IQCK: variants seen among roughly 807,000 people sequenced by gnomAD.
The protein encoded by IQCK is IQ motif containing K.
A neutral mutation model predicts 28.1 loss-of-function variants in IQCK; 29 were observed. The ratio of observed to expected loss-of-function variants is 1.03; its 90% confidence interval spans 0.77 to 1.41. The LOEUF (loss-of-function observed/expected upper bound fraction) is 1.41, where lower values mean the gene tolerates loss of function less well. Ranked by LOEUF, IQCK falls within the 40% of genes most tolerant of loss-of-function variation. The probability of loss-of-function intolerance (pLI) is 0.00; values close to 1 mark genes in which losing one functional copy is unlikely to be tolerated. For missense variants in IQCK, 359 were observed against 314.7 expected (o/e 1.14, Z -1.07); for synonymous variants, 113 against 115.1 (o/e 0.98, Z 0.12).
chr16:19,811,947 A>C (rs1177033356), intron 7 of IQCK, among the ~76,000 whole-genome samples: 2 of 151,124 alleles, frequency 1.3e-5, no homozygotes, highest in African/African-American at 2.4e-5. Flanking sequence ...ACCTTCAGTG[A>C]TCTCAGTGTC....
chr16:19,851,205 T>A (rs1430556615), intron 9 of IQCK, among the ~76,000 whole-genome samples: 1 of 152,178 alleles, frequency 6.6e-6, no homozygotes, highest in Non-Finnish European at 1.5e-5. Flanking sequence ...AAACAGGCAC[T>A]GTTTCCCAAA....
chr16:19,857,100 T>C (rs1297418070), exon 10 of IQCK: 1 of 180,860 alleles, frequency 5.5e-6, no homozygotes, highest in African/African-American at 2.4e-5. Context: ...AACAAAGGAT[T>C]TTTGTTGTCT....
intron 4 of IQCK, among the ~76,000 whole-genome samples, chr16:19,739,585 C>T (rs151291089): frequency 1.3e-5 from 2 of 152,210 alleles, no homozygotes; most frequent in South Asian, 2.1e-4. Context: ...GAGGCTGAGG[C>T]GTGTGGATCA....
rs766155573 is a variant in IQCK at position 19,730,418 on chromosome 16, C to T, written c.182-12C>T. The T allele has an allele frequency of 2.5e-6, 4 of 1,575,388 alleles. No individual in the cohort carries two copies. In the Admixed American group the frequency reaches 5.8e-5, roughly 23 times the overall value. ...AGTATGGAATTGAGGATTTTTTTTCCCTTCCCTTTAGAGTATGAAGCTGAG... is the reference window on the plus strand; with the variant it reads ...AGTATGGAATTGAGGATTTTTTTTCTCTTCCCTTTAGAGTATGAAGCTGAG... On this transcript the variant is annotated splice_polypyrimidine_tract_variant and intron_variant, in intron 1 of 7. Coordinates refer to ENST00000564186, the Ensembl canonical transcript of IQCK.
intron 9 of IQCK, among the ~76,000 whole-genome samples, chr16:19,850,445 T>C (rs2056468622): frequency 6.6e-6 from 1 of 152,206 alleles, no homozygotes; most frequent in African/African-American, 2.4e-5. Flanking sequence ...ATTATTTACC[T>C]GGAATCCTAG....
chr16:19,733,946 G>T, intron 3 of IQCK, 119 bp downstream of exon 3: 5 of 899,752 alleles, frequency 5.6e-6, no homozygotes, highest in East Asian at 2.6e-5. Context: ...GAAAGAATGT[G>T]TTCTTGTTTT....
At chr16:19,779,347 G>A (rs992376902) in intron 6 of IQCK, among the ~76,000 whole-genome samples, 1 of 152,216 alleles carries the variant, frequency 6.6e-6, no homozygotes, top group Admixed American at 6.5e-5. Flanking sequence ...TGTTGTGGGA[G>A]AGAGAGGAGT....
intron 1 of IQCK, among the ~76,000 whole-genome samples, chr16:19,723,409 A>G (rs1977558598): frequency 6.6e-6 from 1 of 152,088 alleles, no homozygotes; most frequent in South Asian, 2.1e-4. Context: ...AATGGCAACC[A>G]TTTATTGAGC....
At chr16:19,798,395 C>T (rs1216341991) in intron 7 of IQCK, among the ~76,000 whole-genome samples, 8 of 118,386 alleles carry the variant, frequency 6.8e-5, no homozygotes, top group Non-Finnish European at 9.0e-5. Flanking sequence ...TCCAGCCTGG[C>T]GACAGAGCCA....
chr16:19,766,240 A>G (rs2055235423), intron 6 of IQCK: 2 of 152,290 alleles, frequency 1.3e-5, no homozygotes, highest in Admixed American at 1.3e-4. Flanking sequence ...TGGAAAAAAC[A>G]GAGATGAATA....
At chr16:19,844,891 C>T (rs1288345019) in intron 9 of IQCK, among the ~76,000 whole-genome samples, 1 of 152,116 alleles carries the variant, frequency 6.6e-6, no homozygotes, top group African/African-American at 2.4e-5. Flanking sequence ...TCACTGCAAC[C>T]GCTGCCTGCT....
intron 4 of IQCK, among the ~76,000 whole-genome samples, chr16:19,738,502 T>C (rs2054787165): frequency 1.3e-5 from 2 of 152,176 alleles, no homozygotes; most frequent in African/African-American, 4.8e-5. Context: ...GAGTCAAAGT[T>C]ACCTGATTTT....
chr16:19,773,581 A>G (rs1367014239), intron 6 of IQCK, among the ~76,000 whole-genome samples: 4 of 152,202 alleles, frequency 2.6e-5, no homozygotes, highest in Admixed American at 2.0e-4. Flanking sequence ...CAAGCCACAG[A>G]CAGTCTCTCA....
intron 4 of IQCK, among the ~76,000 whole-genome samples, chr16:19,750,751 C>T (rs1015117602): frequency 9.2e-5 from 14 of 152,140 alleles, no homozygotes; most frequent in South Asian, 2.1e-4. Context: ...CGTGAGCCAC[C>T]GCACCCAGCC....
intron 9 of IQCK, among the ~76,000 whole-genome samples, chr16:19,855,924 G>A (rs2056553766): frequency 6.6e-6 from 1 of 152,176 alleles, no homozygotes; most frequent in Non-Finnish European, 1.5e-5. Flanking sequence ...TAATTGGGGA[G>A]AGGCTTTTAT....
chr16:19,781,715 GTGGTGGCT>G (rs2055487191), intron 6 of IQCK, among the ~76,000 whole-genome samples: 1 of 152,168 alleles, frequency 6.6e-6, no homozygotes, highest in Non-Finnish European at 1.5e-5. Flanking sequence ...TCGGCAGGGC[GTGGTGGCT>G]CACGCCTGTA....
intron 4 of IQCK, among the ~76,000 whole-genome samples, chr16:19,750,162 C>T (rs1251042622): frequency 6.6e-6 from 1 of 151,804 alleles, no homozygotes; most frequent in African/African-American, 2.4e-5. Flanking sequence ...AGTGTCGCGC[C>T]GTGGCCCAGG....
chr16:19,746,284 TATC>T (rs919434543), intron 4 of IQCK, among the ~76,000 whole-genome samples: 10 of 151,944 alleles, frequency 6.6e-5, no homozygotes, highest in African/African-American at 2.2e-4. Context: ...CAATGCGAAA[TATC>T]ATGGAGAATG....
chr16:19,767,955 C>T (rs1312679408), intron 6 of IQCK, among the ~76,000 whole-genome samples: 7 of 150,866 alleles, frequency 4.6e-5, no homozygotes, highest in Non-Finnish European at 1.0e-4. Context: ...TGGTACCTAA[C>T]TTCACCCAGA....
Sources: allele counts gnomAD v4.1 joint callset (sites outside exome capture counted in the v4.1 genomes callset), GRCh38; gene constraint gnomAD v4.1.1; transcripts MANE v1.5; gene names NCBI Gene and HGNC (gene_info 2026-07-23, HGNC 2026-07-21).